MTA3: variants seen among roughly 807,000 people sequenced by gnomAD.
The protein encoded by MTA3 is metastasis-associated protein MTA3.
In MTA3, 34 loss-of-function variants were observed where a neutral mutation model predicts 83.5. The ratio of observed to expected loss-of-function variants is 0.41; its 90% CI spans 0.31 to 0.54. The LOEUF is 0.54. Among genes scored for constraint, MTA3 ranks in the 20% least tolerant of loss-of-function variants. MTA3 has a pLI of 0.33. For missense variants in MTA3, 761 were observed against 726.4 expected, an observed-to-expected ratio of 1.05 and a Z score of -0.55; for synonymous variants, 303 against 252.7, an observed-to-expected ratio of 1.20 and a Z score of -1.89.
rs534570403 is a variant in MTA3, at chr2:42,587,090, G to A, written c.190+7890G>A. ...CACCTGTAATCCTAGCTACTCAGGA[G>A]GCTGAGGCAGGAGAATACCTTGAAC... On this transcript the variant is annotated intron_variant, in intron 3 of 16. Coordinates refer to ENST00000405094, the MANE Select transcript of MTA3 (RefSeq NM_001330442.2). Among the ~76,000 whole-genome samples the A allele has an allele frequency of 6.9e-4, 105 of 152,176 alleles. 2 individuals carry two copies. The highest frequency in any genetic ancestry group is 2.4e-3 in the African/African-American group (99 of 41,520).
chr2:42,642,529 G>C (rs868078933), intron 5 of MTA3, among the ~76,000 whole-genome samples: 6 of 151,960 alleles, frequency 3.9e-5, no homozygotes, highest in Non-Finnish European at 7.4e-5. Context: ...TGTTGAGCCA[G>C]TGGCAATAAC....
Position 42,526,360 on chromosome 2 carries a change from C to T in MTA3, c.-141+31106C>T, listed in dbSNP as rs531644368. On this transcript the variant is annotated intron_variant, in intron 2 of 17. Coordinates refer to the MTA3 transcript ENST00000405592. Reference sequence around the variant, plus strand: ...GATTACAGGCGCATGCCACCGAGGCCGATTGGCCTTCTGGGTGAGGCCAAG... The same window carrying T: ...GATTACAGGCGCATGCCACCGAGGCTGATTGGCCTTCTGGGTGAGGCCAAG... Among the ~76,000 whole-genome samples the T allele has an allele frequency of 1.1e-4, 16 of 152,270 alleles. No homozygotes were observed. In the South Asian group the frequency reaches 1.7e-3, roughly 16 times the overall value.
At chr2:42,567,968 A>G (rs1677999592), upstream of MTA3, 2 of 152,192 alleles carry the variant, frequency 1.3e-5, no homozygotes, top group South Asian at 4.1e-4. Context: ...TGCTCAGCCC[A>G]GTTTTGGGGT....
rs190216092 is a variant in MTA3, at chr2:42,714,358, T to C, written c.1526-4630T>C. Among the ~76,000 whole-genome samples the C allele has an allele frequency of 2.4e-3, 358 of 152,206 alleles. 3 individuals carry two copies. The highest frequency in any genetic ancestry group is 3.1e-3 in the Non-Finnish European group (209 of 68,012). On this transcript the variant is annotated intron_variant, in intron 14 of 16. Transcript: ENST00000405094. ...TGGTGTATTTGCCAAGCAGATTTTTTTTTAAAAAAAGACATATTAATAGTT... is the reference window on the plus strand; with the variant it reads ...TGGTGTATTTGCCAAGCAGATTTTTCTTTAAAAAAAGACATATTAATAGTT...
intron 8 of MTA3, among the ~76,000 whole-genome samples, chr2:42,679,737 A>G (rs1312310237): frequency 6.6e-6 from 1 of 152,094 alleles, no homozygotes; most frequent in Non-Finnish European, 1.5e-5. Context: ...ACCAAGGATT[A>G]CCTCCATGCT....
rs35808147 is a variant in MTA3 at position 42,585,476 on chromosome 2, C to CT, written c.190+6294dup. On this transcript the variant is annotated intron_variant, in intron 3 of 16. Coordinates refer to ENST00000405094, the MANE Select transcript of MTA3 (RefSeq NM_001330442.2). ...CAAATGATTCTTTTTTCTTTCTTTT[C>CT]TTTTTTTTTTTTTTTTTTGAGACAG... Among the ~76,000 whole-genome samples, 356 of 119,012 alleles carry CT rather than the reference C, an allele frequency of 3.0e-3. 4 individuals are homozygous for CT. Among genetic ancestry groups the CT allele is most frequent in the South Asian group, 7.7e-3 (27 of 3,524 alleles). 78.1% of individuals were successfully genotyped at this position (119,012 alleles called of 152,430 possible). A position where few individuals can be genotyped will look rare whatever the true frequency, so the allele number is the denominator to read the frequency against.
At position 42,700,164 on chromosome 2, in the gene MTA3, G is replaced by T. The variant is rs552206313; in HGVS notation, c.1025+2330G>T. Reference sequence around the variant, plus strand: ...CATATGAGCCAAGGAGGTACAAGCAGATGAGAGAGGGAGTGTATAATGTTC... The same window carrying T: ...CATATGAGCCAAGGAGGTACAAGCATATGAGAGAGGGAGTGTATAATGTTC... On this transcript the variant is annotated intron_variant, in intron 11 of 16. Coordinates refer to ENST00000405094, the MANE Select transcript of MTA3 (RefSeq NM_001330442.2). Among the ~76,000 whole-genome samples, 7 of 152,184 alleles carry T rather than the reference G, an allele frequency of 4.6e-5. No homozygotes were observed. In the South Asian group the frequency reaches 1.3e-3, roughly 27 times the overall value.
intron 4 of MTA3, among the ~76,000 whole-genome samples, chr2:42,623,607 A>AT (rs1242351123): frequency 1.3e-5 from 2 of 149,958 alleles, no homozygotes; most frequent in Admixed American, 1.3e-4. Flanking sequence ...AGAAACTGGG[A>AT]TTTTGTTTCC....
At position 42,586,509 on chromosome 2, in the gene MTA3, CACACAA is replaced by C. The variant is rs1334275055; in HGVS notation, c.190+7315_190+7320del. Among the ~76,000 whole-genome samples the C allele has an allele frequency of 3.4e-4, 49 of 145,666 alleles. No individual in the cohort carries two copies. In the East Asian group the frequency reaches 9.3e-3, roughly 28 times the overall value. On this transcript the variant is annotated intron_variant, in intron 3 of 16. Transcript: ENST00000405094. Reference sequence around the variant, plus strand: ...ACACACACACACACACACACACACACACACAAACACACAAAGGAAGGAAAAACACAC... The same window carrying C: ...ACACACACACACACACACACACACACACACACAAAGGAAGGAAAAACACAC...
intron 16 of MTA3, among the ~76,000 whole-genome samples, chr2:42,747,658 C>T (rs1386311911): frequency 6.6e-6 from 1 of 151,502 alleles, no homozygotes; most frequent in Non-Finnish European, 1.5e-5. Context: ...CTTAAAGCCT[C>T]AAGAGCAGGC....
intron 8 of MTA3, among the ~76,000 whole-genome samples, chr2:42,681,776 G>T (rs192155940): frequency 6.6e-6 from 1 of 151,876 alleles, no homozygotes; most frequent in Non-Finnish European, 1.5e-5. Context: ...TTCTCAAAGC[G>T]CTGGGATTAC....
intron 2 of MTA3, among the ~76,000 whole-genome samples, chr2:42,517,110 A>G (rs1675180728): frequency 1.3e-5 from 2 of 151,958 alleles, no homozygotes; most frequent in African/African-American, 4.8e-5. Flanking sequence ...AAATACAAAA[A>G]TAAACCGGGT....
At chr2:42,641,389 G>C (rs764130845) in intron 5 of MTA3, among the ~76,000 whole-genome samples, 12 of 151,932 alleles carry the variant, frequency 7.9e-5, no homozygotes, top group Non-Finnish European at 1.5e-4. Flanking sequence ...AAGGCTAATA[G>C]ACTTTATAAC....
chr2:42,714,742 TGG>T (rs781441760), intron 14 of MTA3, among the ~76,000 whole-genome samples: 2 of 152,170 alleles, frequency 1.3e-5, no homozygotes, highest in African/African-American at 2.4e-5. Context: ...GTGATGGTTT[TGG>T]GATGAAACTG....
chr2:42,600,982 C>G (rs995375384), intron 3 of MTA3, among the ~76,000 whole-genome samples: 1 of 152,152 alleles, frequency 6.6e-6, no homozygotes, highest in African/African-American at 2.4e-5. Context: ...TCTTGGCTCA[C>G]TGCAACCTCC....
Position 42,570,595 on chromosome 2 carries a change from C to T in MTA3, c.96+91C>T, listed in dbSNP as rs1678352596. 3 of 665,706 alleles carry T rather than the reference C, an allele frequency of 4.5e-6. No individual in the cohort carries two copies. The Admixed American group carries it at 9.7e-5, about 22-fold the overall frequency. The allele number at this position is 665,706 out of a possible 1,614,324, so 41.2% of individuals were successfully genotyped here. A position where few individuals can be genotyped will look rare whatever the true frequency, so the allele number is the denominator to read the frequency against. The stretch of plus-strand genomic sequence containing the variant: ...TAAAGGGTGGCCTGGTGTGGGGGCT[C>T]ATGCCTGCAATCCCAGTAAATTGGG... On this transcript the variant is annotated intron_variant, in intron 2 of 16. Transcript: ENST00000405094.
chr2:42,576,819 C>T (rs1679085509), intron 2 of MTA3, among the ~76,000 whole-genome samples: 1 of 152,178 alleles, frequency 6.6e-6, no homozygotes, highest in Non-Finnish European at 1.5e-5. Flanking sequence ...ATCGCTTGAA[C>T]CCATGAGGCG....
At chr2:42,534,996 G>A (rs963371377) in intron 2 of MTA3, among the ~76,000 whole-genome samples, 3 of 152,044 alleles carry the variant, frequency 2.0e-5, no homozygotes, top group Non-Finnish European at 4.4e-5. Flanking sequence ...CAAGATTGAA[G>A]GAATCTAGAT....
chr2:42,699,376 T>C (rs1693660588), intron 11 of MTA3, among the ~76,000 whole-genome samples: 1 of 152,140 alleles, frequency 6.6e-6, no homozygotes, highest in South Asian at 2.1e-4. Context: ...TAATTTATTT[T>C]TTATAGAGAC....
Sources: allele counts gnomAD v4.1 joint callset (sites outside exome capture counted in the v4.1 genomes callset), GRCh38; gene constraint gnomAD v4.1.1; transcripts MANE v1.5; gene names NCBI Gene and HGNC (gene_info 2026-07-23, HGNC 2026-07-21).